Variants in SLC37A1 observed in about 807,000 individuals in gnomAD.
SLC37A1 encodes the protein glucose-6-phosphate exchanger SLC37A1.
SLC37A1 carries 49 observed loss-of-function variants against 75.3 expected under a neutral mutation model. The observed-to-expected ratio is 0.65, with a 90% confidence interval of 0.52 to 0.83. The LOEUF is 0.83. Ranked by LOEUF, SLC37A1 falls within the 40% of genes least tolerant of loss-of-function variation. SLC37A1 has a pLI of 0.00. For missense variants in SLC37A1, 566 were observed against 695.0 expected (o/e 0.81, Z 2.09); for synonymous variants, 268 against 292.1 (o/e 0.92, Z 0.84).
Position 42,525,970 on chromosome 21 carries a change from A to G in SLC37A1, c.138+113A>G. The G allele has an allele frequency of 5.8e-6, 4 of 693,942 alleles. No homozygotes were observed. The South Asian group carries it at 7.5e-5, about 13-fold the overall frequency. The allele number at this position is 693,942 out of a possible 1,614,324, so 43.0% of individuals were successfully genotyped here. On this transcript the variant is annotated intron_variant, in intron 3 of 19. Coordinates refer to ENST00000352133, the MANE Select transcript of SLC37A1 (RefSeq NM_001320537.2). Reference sequence around the variant, plus strand: ...AGGTACATGGGGAAACAGATTATGTAGAAACAAGTTATTCTGCTGCTTTGG... The same window carrying G: ...AGGTACATGGGGAAACAGATTATGTGGAAACAAGTTATTCTGCTGCTTTGG...
Position 42,543,488 on chromosome 21 carries a change from T to G in SLC37A1, c.616T>G (p.Leu206Val). 6.2e-7 allele frequency: 1 copy of G among 1,614,214 alleles called. No individual in the cohort carries two copies. The highest frequency in any genetic ancestry group is 1.7e-5 in the Admixed American group (1 of 60,028). Residue 206 changes from leucine to valine, a missense_variant, in exon 8 of 20, where the codon TTG (leucine) becomes GTG (valine). Transcript: ENST00000352133. ...CTCCCACACCTCCGTGGGCAACATC[T>G]TGGGGTCATTGATCGCTGGCTACTG... ...WNSHTSVGNILGSLIAGYWVS... is the reference protein window; with the variant it reads ...WNSHTSVGNIVGSLIAGYWVS...
chr21:42,508,037 G>C (rs2146681028), intron 2 of SLC37A1, among the ~76,000 whole-genome samples: 1 of 151,928 alleles, frequency 6.6e-6, no homozygotes, highest in East Asian at 1.9e-4. Context: ...ATCATCAAAT[G>C]CTGGCCCAGA....
intron 3 of SLC37A1, among the ~76,000 whole-genome samples, chr21:42,527,964 G>A (rs1387213576): frequency 6.6e-6 from 1 of 152,204 alleles, no homozygotes; most frequent in East Asian, 1.9e-4. Flanking sequence ...ACTGAAAGTA[G>A]TAGTGATTCT....
rs112545836 is a variant in SLC37A1 at position 42,566,881 on chromosome 21, C to T, written c.1271-104C>T. On this transcript the variant is annotated intron_variant, in intron 15 of 19. Transcript: ENST00000352133. ...AGTTTAGAGGAAGCTGTTTCTGCTG[C>T]ATCCCCTCCCTGTGCTCCCCAGGCG... 1,651 of 1,136,146 alleles carry T rather than the reference C, an allele frequency of 1.5e-3. 18 individuals carry two copies. In the African/African-American group the frequency reaches 0.023, roughly 15 times the overall value. 70.4% of individuals were successfully genotyped at this position (1,136,146 alleles called of 1,614,324 possible).
At chr21:42,574,189 CAG>C (rs1261818039) in intron 17 of SLC37A1, among the ~76,000 whole-genome samples, 1 of 152,226 alleles carries the variant, frequency 6.6e-6, no homozygotes, top group Non-Finnish European at 1.5e-5. Flanking sequence ...TGATCAGAAT[CAG>C]AAAGTGAGCA....
intron 3 of SLC37A1, among the ~76,000 whole-genome samples, 155 bp from the exon 4 acceptor site, chr21:42,534,543 G>A (rs1033030261): frequency 2.6e-5 from 4 of 152,168 alleles, no homozygotes; most frequent in African/African-American, 7.2e-5. Context: ...CAGACACACC[G>A]CCAGCAGCGC....
intron 3 of SLC37A1, among the ~76,000 whole-genome samples, chr21:42,532,818 A>G (rs192714436): frequency 2.1e-3 from 317 of 152,310 alleles, no homozygotes; most frequent in Non-Finnish European, 3.7e-3. Flanking sequence ...GCCTCCAGGG[A>G]GGACCAGCTC....
chr21:42,533,876 C>T (rs1401922898), intron 3 of SLC37A1, among the ~76,000 whole-genome samples: 3 of 152,240 alleles, frequency 2.0e-5, no homozygotes, highest in Non-Finnish European at 4.4e-5. Context: ...TCCCACCTCC[C>T]AGACAAGTGT....
chr21:42,574,813 T>C lies in SLC37A1; in HGVS notation c.1424-5T>C. 6.2e-7 allele frequency: 1 copy of C among 1,613,958 alleles called. No homozygotes were observed. The highest frequency in any genetic ancestry group is 8.5e-7 in the Non-Finnish European group (1 of 1,179,954). On this transcript the variant is annotated splice_region_variant and splice_polypyrimidine_tract_variant and intron_variant, in intron 17 of 19. Transcript: ENST00000352133. ...CACCATGTGTGTCCATTTGCCTGAT[T>C]TCAGGAGCAGCCCTGGGCCCCCTGC...
chr21:42,536,472 AG>A (rs1041017930), intron 5 of SLC37A1, among the ~76,000 whole-genome samples: 2 of 151,990 alleles, frequency 1.3e-5, no homozygotes, highest in East Asian at 1.9e-4. Context: ...CAGTCCAGCC[AG>A]GTTTTTTTTT....
At chr21:42,540,321 A>T (rs1379739117) in intron 6 of SLC37A1, among the ~76,000 whole-genome samples, 2 of 152,326 alleles carry the variant, frequency 1.3e-5, no homozygotes, top group African/African-American at 2.4e-5. Flanking sequence ...TTTTGGGTCA[A>T]CAACTGAAAC....
intron 10 of SLC37A1, 26 bp downstream of exon 10, chr21:42,554,168 C>T: frequency 6.2e-7 from 1 of 1,606,436 alleles, no homozygotes; most frequent in Non-Finnish European, 8.5e-7. Context: ...CTTCCACTTC[C>T]TAGAATGTCG....
chr21:42,570,987 G>A (rs60118308), intron 17 of SLC37A1, among the ~76,000 whole-genome samples: 3,549 of 152,306 alleles, frequency 0.023, 146 homozygotes, highest in African/African-American at 0.081. Flanking sequence ...TGGCTGCTGC[G>A]TTACACCAGA....
intron 2 of SLC37A1, among the ~76,000 whole-genome samples, chr21:42,524,619 C>T (rs190490341): frequency 1.6e-4 from 25 of 152,352 alleles, no homozygotes; most frequent in African/African-American, 5.5e-4. Context: ...TAGCAGGCTA[C>T]GCCAGAAACT....
In SLC37A1 at chr21:42,545,628, G is replaced by A. The variant is rs2839544; in HGVS notation, c.731-1475G>A. Among the ~76,000 whole-genome samples, 10,015 of 152,322 alleles carry A rather than the reference G, an allele frequency of 0.066. 389 individuals carry two copies. Among genetic ancestry groups the A allele is most frequent in the Middle Eastern group, 0.11 (33 of 294 alleles). ...CTCAAATGTGTCCCAGCCAAGGGAC[G>A]TGTGTGCCCAAGTCCCTGAAGGTGA... On this transcript the variant is annotated intron_variant, in intron 8 of 19. Transcript: ENST00000352133. The surrounding 1 kb of genome is among the most constrained non-coding windows in gnomAD (Gnocchi z 4.0).
chr21:42,518,586 C>T (rs996319830), intron 2 of SLC37A1, 76 bp downstream of exon 2: 3 of 1,516,064 alleles, frequency 2.0e-6, no homozygotes, highest in African/African-American at 2.7e-5. Flanking sequence ...GTTGTGTTGC[C>T]CCAGTTTCAT....
intron 2 of SLC37A1, among the ~76,000 whole-genome samples, chr21:42,520,934 A>G (rs181483707): frequency 2.7e-4 from 41 of 152,376 alleles, no homozygotes; most frequent in Admixed American, 1.2e-3. Flanking sequence ...AATGAGACTC[A>G]TGAATGATAG....
At position 42,547,311 on chromosome 21, in the gene SLC37A1, C is replaced by A; in HGVS notation, c.768+171C>A. Reference sequence around the variant, plus strand: ...AGAGAATATTCTGTTTTGGGTTTCGCTGATAATAACCTTATCAGCAAAACC... The same window carrying A: ...AGAGAATATTCTGTTTTGGGTTTCGATGATAATAACCTTATCAGCAAAACC... On this transcript the variant is annotated intron_variant, in intron 9 of 19. Transcript: ENST00000352133. This position sits in a 1 kb window ranked among gnomAD's most constrained non-coding sequence, Gnocchi z 6.1. 1.4e-6 allele frequency: 1 copy of A among 693,182 alleles called. No homozygotes were observed. Among genetic ancestry groups the A allele is most frequent in the Non-Finnish European group, 2.5e-6 (1 of 403,444 alleles). 42.9% of individuals were successfully genotyped at this position (693,182 alleles called of 1,614,324 possible).
intron 3 of SLC37A1, among the ~76,000 whole-genome samples, chr21:42,532,498 G>A (rs2055014460): frequency 6.6e-6 from 1 of 152,174 alleles, no homozygotes; most frequent in Non-Finnish European, 1.5e-5. Context: ...TAGGCCCTTT[G>A]GGCGTGGCCA....
Sources: gnomAD v4.1 joint callset for allele counts (sites outside exome capture counted in the v4.1 genomes callset) on GRCh38, gnomAD v4.1.1 for gene constraint, Gnocchi (gnomAD v3.1) non-coding constraint, MANE v1.5 for transcripts, NCBI Gene and HGNC (gene_info 2026-07-23, HGNC 2026-07-21) for gene names.